The following GNPTAB variants were observed in gnomAD, a reference collection of about 807,000 sequenced individuals.
GNPTAB encodes the protein N-acetylglucosamine-1-phosphotransferase subunits alpha/beta.
GNPTAB carries 92 observed loss-of-function variants against 136.6 expected under a neutral mutation model. The observed-to-expected ratio is 0.67, with a 90% CI of 0.57 to 0.80. The LOEUF (loss-of-function observed/expected upper bound fraction) is 0.80. GNPTAB is among the 30% of genes least tolerant of loss of function. The pLI is 0.00. For missense variants in GNPTAB, 1,343 were observed against 1,501.8 expected (o/e 0.89, Z 1.75); for synonymous variants, 512 against 535.1 (o/e 0.96, Z 0.60).
chr12:101,826,787 A>G (rs1443632127), intron 1 of GNPTAB, among the ~76,000 whole-genome samples: 5 of 152,162 alleles, frequency 3.3e-5, no homozygotes, highest in Admixed American at 6.6e-5. Context: ...TTTAAAAACC[A>G]GAAGTTTCTA....
chr12:101,772,675 A>G (rs1013883308), intron 7 of GNPTAB, among the ~76,000 whole-genome samples: 1 of 152,120 alleles, frequency 6.6e-6, no homozygotes, highest in Non-Finnish European at 1.5e-5. Context: ...CAGGCCACAC[A>G]GGGGGATTAG....
At chr12:101,800,604 C>CAAAAAAAAAA (rs58129963) in intron 1 of GNPTAB, among the ~76,000 whole-genome samples, 41 of 74,264 alleles carry the variant, frequency 5.5e-4, no homozygotes, top group Non-Finnish European at 6.9e-4. Flanking sequence ...ACTAAAAATA[C>CAAAAAAAAAA]AAAAAAAAAA....
chr12:101,828,335 C>CT (rs1260280408), intron 1 of GNPTAB, among the ~76,000 whole-genome samples: 3 of 152,184 alleles, frequency 2.0e-5, no homozygotes, highest in African/African-American at 7.2e-5. Context: ...AAGGAACAGC[C>CT]TGGGCTGTTT....
intron 7 of GNPTAB, among the ~76,000 whole-genome samples, chr12:101,776,680 C>A (rs1222392591): frequency 2.6e-5 from 4 of 152,230 alleles, no homozygotes; most frequent in Non-Finnish European, 5.9e-5. Context: ...AATAATCATA[C>A]TGCTGAAAAT....
intron 1 of GNPTAB, among the ~76,000 whole-genome samples, chr12:101,814,893 T>C (rs1870436385): frequency 6.6e-6 from 1 of 152,202 alleles, no homozygotes; most frequent in South Asian, 2.1e-4. Flanking sequence ...ACATGTCCTG[T>C]AGGCCTCGAG....
chr12:101,768,297 C>G, intron 10 of GNPTAB, 137 bp from the exon 11 acceptor site: 1 of 916,086 alleles, frequency 1.1e-6, no homozygotes, highest in Non-Finnish European at 1.7e-6. Flanking sequence ...CGTTCACACT[C>G]ACAAGTGCTT....
intron 2 of GNPTAB, 92 bp from the exon 3 acceptor site, chr12:101,790,149 GAAA>G (rs911741586): frequency 3.2e-6 from 5 of 1,546,090 alleles, no homozygotes; most frequent in Non-Finnish European, 2.7e-6. Flanking sequence ...CAGAGATTAT[GAAA>G]AAAATCTCTG....
intron 7 of GNPTAB, 109 bp downstream of exon 7, chr12:101,780,043 T>C (rs1253494143): frequency 3.0e-5 from 33 of 1,095,626 alleles, no homozygotes; most frequent in Non-Finnish European, 4.5e-5. Context: ...CCTCTTTGCT[T>C]CTTATGTTTA....
At chr12:101,802,611 C>T (rs1299090993) in intron 1 of GNPTAB, among the ~76,000 whole-genome samples, 1 of 152,118 alleles carries the variant, frequency 6.6e-6, no homozygotes, top group African/African-American at 2.4e-5. Context: ...CGAGGCTCTT[C>T]CTAAAGCCTT....
intron 1 of GNPTAB, among the ~76,000 whole-genome samples, chr12:101,804,703 C>T (rs1004246192): frequency 1.3e-5 from 2 of 152,152 alleles, no homozygotes; most frequent in Non-Finnish European, 2.9e-5. Context: ...CCATAATGGG[C>T]CAAATAGAAA....
chr12:101,755,071 A>G (rs144455588), intron 18 of GNPTAB, among the ~76,000 whole-genome samples: 1 of 152,144 alleles, frequency 6.6e-6, no homozygotes, highest in African/African-American at 2.4e-5. Context: ...ATCATTATTG[A>G]TTTTTTTAGG....
chr12:101,757,009 T>A (rs1952910394), intron 18 of GNPTAB: 1 of 531,510 alleles, frequency 1.9e-6, no homozygotes, highest in Non-Finnish European at 3.3e-6. Context: ...AACCCAGTTC[T>A]TCGAAGTTCA....
At chr12:101,762,434 A>T (rs1041559894) in intron 13 of GNPTAB, among the ~76,000 whole-genome samples, 2 of 152,236 alleles carry the variant, frequency 1.3e-5, no homozygotes, top group African/African-American at 2.4e-5. Context: ...GCAACATTTC[A>T]GAAAGACATA....
At chr12:101,790,763 A>G (rs1383213285) in intron 2 of GNPTAB, among the ~76,000 whole-genome samples, 1 of 150,762 alleles carries the variant, frequency 6.6e-6, no homozygotes, top group Non-Finnish European at 1.5e-5. Context: ...AAAAGAACAA[A>G]TTACAAAAAA....
intron 1 of GNPTAB, among the ~76,000 whole-genome samples, chr12:101,830,016 A>G (rs1418587744): frequency 3.3e-5 from 5 of 151,530 alleles, no homozygotes; most frequent in Admixed American, 3.3e-4. Flanking sequence ...AAAAAAAAAA[A>G]AAAAAAGAAA....
chr12:101,798,032 C>T (rs1467354615), intron 1 of GNPTAB, among the ~76,000 whole-genome samples: 1 of 152,156 alleles, frequency 6.6e-6, no homozygotes, highest in South Asian at 2.1e-4. Context: ...CCCACATTTT[C>T]TGTCCCTTTC....
intron 1 of GNPTAB, among the ~76,000 whole-genome samples, chr12:101,797,406 C>T (rs1869360118): frequency 6.6e-6 from 1 of 152,064 alleles, no homozygotes; most frequent in Admixed American, 6.5e-5. Context: ...GGGTGGATTC[C>T]CTGAGCTCAG....
intron 1 of GNPTAB, among the ~76,000 whole-genome samples, chr12:101,806,857 A>G (rs1213848313): frequency 6.6e-6 from 1 of 152,210 alleles, no homozygotes; most frequent in East Asian, 1.9e-4. Flanking sequence ...CTTAAGGAAA[A>G]AAAAAATGAT....
intron 1 of GNPTAB, among the ~76,000 whole-genome samples, chr12:101,811,975 G>A (rs932223968): frequency 1.3e-5 from 2 of 151,280 alleles, no homozygotes; most frequent in Non-Finnish European, 3.0e-5. Flanking sequence ...TCTCAGGCAG[G>A]GCGTGGTGGC....
Sources: allele counts gnomAD v4.1 joint callset (sites outside exome capture counted in the v4.1 genomes callset), GRCh38; gene constraint gnomAD v4.1.1; transcripts MANE v1.5; gene names NCBI Gene and HGNC (gene_info 2026-07-23, HGNC 2026-07-21).